The following PRRC2A variants were observed in gnomAD, a reference collection of about 807,000 sequenced individuals.
PRRC2A encodes protein PRRC2A.
PRRC2A carries 59 observed loss-of-function variants against 224.6 expected under a neutral mutation model. The ratio of observed to expected loss-of-function variants is 0.26; its 90% CI spans 0.21 to 0.33. The LOEUF (loss-of-function observed/expected upper bound fraction) is 0.33. Ranked by LOEUF, PRRC2A falls within the 10% of genes least tolerant of loss-of-function variation. The pLI, the probability that PRRC2A is intolerant of heterozygous loss-of-function variation, is 1.00. For synonymous variants in PRRC2A, 1,194 were observed against 1,109.5 expected, an observed-to-expected ratio of 1.08 and a Z score of -1.51; for missense variants, 3,095 against 2,880.7, an observed-to-expected ratio of 1.07 and a Z score of -1.70.
chr6:31,637,145 G>A lies in PRRC2A; in HGVS notation c.6242+9G>A, dbSNP rs556805409. The A allele has an allele frequency of 6.2e-7, 1 of 1,610,690 alleles. No homozygotes were observed. Among genetic ancestry groups the A allele is most frequent in the South Asian group, 1.1e-5 (1 of 90,850 alleles). ...ACTCCCCCAACTGGAAGGTGAAACGGAATAGGGATGTGGACTTTCCAAGTG... is the reference window on the plus strand; with the variant it reads ...ACTCCCCCAACTGGAAGGTGAAACGAAATAGGGATGTGGACTTTCCAAGTG... On this transcript the variant is annotated intron_variant, in intron 29 of 30. Transcript: ENST00000376033.
At chr6:31,634,031 T>C (rs538766588) in intron 18 of PRRC2A, 42 bp downstream of exon 18, 4 of 1,589,420 alleles carry the variant, frequency 2.5e-6, no homozygotes, top group Middle Eastern at 1.7e-4. Context: ...GCACTCTTAC[T>C]CGTGAAAATT....
Position 31,632,075 on chromosome 6 carries a change from G to C in PRRC2A, c.3402G>C (p.Gln1134His). Residue 1134 changes from glutamine to histidine, a missense_variant, in exon 16 of 31, where the codon CAG (glutamine) becomes CAC (histidine). Transcript: ENST00000376033. The part of the protein sequence containing the change: ...APTPKEGTLT[Q>H]VPLAPPPPGA... ...CACCCAAGGAGGGAACACTCACCCA[G>C]GTCCCTCTCGCTCCCCCACCACCAG... 3 of 1,558,362 alleles carry C rather than the reference G, an allele frequency of 1.9e-6. No homozygotes were observed. The highest frequency in any genetic ancestry group is 1.7e-6 in the Non-Finnish European group (2 of 1,150,660).
chr6:31,628,377 T>C, intron 12 of PRRC2A, 138 bp downstream of exon 12: 2 of 1,365,054 alleles, frequency 1.5e-6, no homozygotes, highest in Non-Finnish European at 1.9e-6. Flanking sequence ...GATAGTGTTC[T>C]ATCATTTGTA....
Position 31,633,428 on chromosome 6 carries a change from C to T in PRRC2A, c.4369C>T (p.Pro1457Ser), listed in dbSNP as rs1583223701. The T allele has an allele frequency of 6.2e-7, 1 of 1,613,100 alleles. No homozygotes were observed. Among genetic ancestry groups the T allele is most frequent in the Non-Finnish European group, 8.5e-7 (1 of 1,180,030 alleles). ...GGGGCTTCCCCTGCCTCCCCCACCT[C>T]CCAGCAGTTCTGCTGTCTTCCGCCT... Reference protein sequence around the residue: ...PPGLPLPPPPPSSSAVFRLDQ... With the variant: ...PPGLPLPPPPSSSSAVFRLDQ... The change falls in exon 17 of 31, where the codon CCC (proline) becomes TCC (serine). Residue 1457 changes from proline to serine, a missense_variant. Physicochemically the swap from Pro to Ser is moderately conservative, Grantham distance 74. Transcript: ENST00000376033.
At position 31,636,706 on chromosome 6, in the gene PRRC2A, C is replaced by G. The variant is rs776659963; in HGVS notation, c.5935-27C>G. On this transcript the variant is annotated intron_variant, in intron 27 of 30. Coordinates refer to ENST00000376033, the MANE Select transcript of PRRC2A (RefSeq NM_004638.4). The surrounding 1 kb of genome is among the most constrained non-coding windows in gnomAD (Gnocchi z 4.3). Reference sequence around the variant, plus strand: ...TTCTGACATTCCTCCCTGCCCCCAACATGCACACCCAAATTTCTTGTTACA... The same window carrying G: ...TTCTGACATTCCTCCCTGCCCCCAAGATGCACACCCAAATTTCTTGTTACA... 6.2e-7 allele frequency: 1 copy of G among 1,604,020 alleles called. No homozygotes were observed. The highest frequency in any genetic ancestry group is 8.5e-7 in the Non-Finnish European group (1 of 1,175,700).
Position 31,632,571 on chromosome 6 carries a change from C to G in PRRC2A, c.3898C>G (p.Arg1300Gly), listed in dbSNP as rs749246458. 3.1e-6 allele frequency: 5 copies of G among 1,612,596 alleles called. No homozygotes were observed. Among genetic ancestry groups the G allele is most frequent in the Non-Finnish European group, 4.2e-6 (5 of 1,179,728 alleles). Residue 1300 changes from arginine to glycine, a missense_variant, in exon 16 of 31, where the codon CGC becomes GGC. By Grantham distance (125) the Arg-to-Gly change is moderately radical. This residue lies in a region of PRRC2A where 2,001 missense variants were observed against 1,764.9 expected (regional missense o/e 1.13). Transcript: ENST00000376033. ...LTTVTVAPAP[R>G]RAAAKSPDLS... is the part of the protein sequence containing the mutation. ...AACAGTCACAGTGGCCCCAGCACCT[C>G]GCCGGGCAGCTGCCAAGTCTCCTGA... is the stretch of plus-strand genomic sequence containing the variant.
chr6:31,624,474 G>T lies in PRRC2A; in HGVS notation c.415G>T (p.Val139Leu). 4 of 1,613,968 alleles carry T rather than the reference G, an allele frequency of 2.5e-6. No individual in the cohort carries two copies. Among genetic ancestry groups the T allele is most frequent in the Non-Finnish European group, 3.4e-6 (4 of 1,179,776 alleles). ...PENTPLVPSG[V>L]KSWAQASVTH... is the part of the protein sequence containing the mutation. ...GAACACTCCTTTGGTTCCAAGCGGG[G>T]TAAAGTCCTGGGCACAAGCCAGCGT... Residue 139 changes from valine to leucine, a missense_variant, in exon 5 of 31, where the codon GTA (valine) becomes TTA (leucine). Physicochemically the swap from Val to Leu is conservative, Grantham distance 32. This residue lies in a region of PRRC2A where 287 missense variants were observed against 275.3 expected (regional missense o/e 1.04). Coordinates refer to ENST00000376033, the MANE Select transcript of PRRC2A (RefSeq NM_004638.4).
rs374300121 is a variant in PRRC2A at position 31,635,181 on chromosome 6, G to T, written c.5210G>T (p.Arg1737Leu). The change falls in exon 22 of 31, where the codon CGA becomes CTA. Residue 1737 changes from arginine to leucine, a missense_variant. This residue lies in a region of PRRC2A where 662 missense variants were observed against 609.5 expected (regional missense o/e 1.09). Transcript: ENST00000376033. Reference sequence around the variant, plus strand: ...CCCCCTGGCCCCATTGGCACAGAACGATCACAGCGTACAGACCGAGGCACA... The same window carrying T: ...CCCCCTGGCCCCATTGGCACAGAACTATCACAGCGTACAGACCGAGGCACA... ...PLPPGPIGTE[R>L]SQRTDRGTEP... The T allele has an allele frequency of 6.2e-7, 1 of 1,612,798 alleles. No homozygotes were observed. The highest frequency in any genetic ancestry group is 1.7e-5 in the Admixed American group (1 of 59,998).
intron 1 of PRRC2A, among the ~76,000 whole-genome samples, chr6:31,622,066 C>A (rs966944833): frequency 6.6e-6 from 1 of 152,176 alleles, no homozygotes; most frequent in Non-Finnish European, 1.5e-5. Context: ...TGGGATATTT[C>A]AAATACTTGA....
rs767909082 is a variant in PRRC2A at position 31,633,421 on chromosome 6, C to T, written c.4362C>T (p.Pro1454=). ...GTCCCCCGGGGCTTCCCCTGCCTCC[C>T]CCACCTCCCAGCAGTTCTGCTGTCT... ...EERPPGLPLP[P]PPPSSSAVFR... Residue 1454 remains proline (P), a synonymous_variant, in exon 17 of 31, where the codon CCC becomes CCT. Coordinates refer to ENST00000376033, the MANE Select transcript of PRRC2A (RefSeq NM_004638.4). The T allele has an allele frequency of 6.2e-7, 1 of 1,612,948 alleles. No homozygotes were observed. Among genetic ancestry groups the T allele is most frequent in the African/African-American group, 1.3e-5 (1 of 74,942 alleles).
In PRRC2A at chr6:31,632,260, A is replaced by G. The variant is rs746085139; in HGVS notation, c.3587A>G (p.Lys1196Arg). The change falls in exon 16 of 31, where the codon AAA becomes AGA. Residue 1196 changes from lysine to arginine, a missense_variant. Around this residue, in one of 8 missense-constraint regions of PRRC2A, gnomAD observed 2,001 missense variants for 1,764.9 expected, o/e 1.13. Coordinates refer to ENST00000376033, the MANE Select transcript of PRRC2A (RefSeq NM_004638.4). ...CCAGCCAAGTCTCTGGCTCCCAAGA[A>G]ACCTCCCACAGGCCCTTTGCCACCA... ...SPPAKSLAPK[K>R]PPTGPLPPSK... 1 of 1,612,922 alleles carries G rather than the reference A, an allele frequency of 6.2e-7. No homozygotes were observed. Among genetic ancestry groups the G allele is most frequent in the Non-Finnish European group, 8.5e-7 (1 of 1,179,962 alleles).
In PRRC2A at chr6:31,627,148, C is replaced by G. The variant is rs1179017080; in HGVS notation, c.1240C>G (p.Pro414Ala). 2.5e-6 allele frequency: 4 copies of G among 1,613,602 alleles called. No individual in the cohort carries two copies. Among genetic ancestry groups the G allele is most frequent in the Non-Finnish European group, 3.4e-6 (4 of 1,179,912 alleles). ...TCCTGCCCCAAAGCCTCCCCTACCC[C>G]CACCTCACCGGGGCCCCGCCGGGAA... ...GPPAPKPPLP[P>A]PHRGPAGNWG... Residue 414 changes from proline to alanine, a missense_variant, in exon 11 of 31, where the codon CCA becomes GCA. This residue lies in a region of PRRC2A where 2,001 missense variants were observed against 1,764.9 expected (regional missense o/e 1.13). Transcript: ENST00000376033. The surrounding 1 kb of genome is among the most constrained non-coding windows in gnomAD (Gnocchi z 5.6).
chr6:31,627,735 C>T lies in PRRC2A; in HGVS notation c.1291-30C>T, dbSNP rs760030824. ...ATAGAAAGCATAGTAACTGATTCCC[C>T]TGGCCCTGCTGGGTCTTGCCAATTG... On this transcript the variant is annotated intron_variant, in intron 11 of 30. Transcript: ENST00000376033. The surrounding 1 kb of genome is among the most constrained non-coding windows in gnomAD (Gnocchi z 5.6). 1.2e-6 allele frequency: 2 copies of T among 1,606,190 alleles called. No homozygotes were observed. The highest frequency in any genetic ancestry group is 2.2e-5 in the East Asian group (1 of 44,722).
At chr6:31,629,949 A>G (rs1041111672) in intron 14 of PRRC2A, 104 bp downstream of exon 14, 1 of 1,528,114 alleles carries the variant, frequency 6.5e-7, no homozygotes, top group Non-Finnish European at 8.8e-7. Context: ...TTTGCCCATC[A>G]TAGTGATGAG....
rs1172579651 is a variant in PRRC2A at position 31,625,313 on chromosome 6, A to G, written c.606A>G (p.Gln202=). ...GGCCCGGACCAAGCCTCCGCCCCCA[A>G]AGTGAGTGGCTGCCTTTTGGCCAAG... The part of the protein sequence containing the change: ...SSGPGPSLRP[Q]NSTTWRDGGG... The change falls in exon 6 of 31, where the codon CAA becomes CAG. Residue 202 remains glutamine, a splice_region_variant and synonymous_variant. Transcript: ENST00000376033. This position sits in a 1 kb window ranked among gnomAD's most constrained non-coding sequence, Gnocchi z 4.1. The G allele has an allele frequency of 5.0e-6, 8 of 1,613,898 alleles. No individual in the cohort carries two copies. The highest frequency in any genetic ancestry group is 5.9e-6 in the Non-Finnish European group (7 of 1,180,034).
chr6:31,633,250 A>G (rs965295368), intron 16 of PRRC2A, 129 bp from the exon 17 acceptor site: 3 of 1,351,426 alleles, frequency 2.2e-6, no homozygotes, highest in Non-Finnish European at 2.0e-6. Flanking sequence ...AGGAATCCTT[A>G]GAAGGACTCA....
Position 31,628,126 on chromosome 6 carries a change from A to G in PRRC2A, c.1652A>G (p.Gln551Arg). Residue 551 changes from glutamine to arginine, a missense_variant, in exon 12 of 31, where the codon CAG (glutamine) becomes CGG (arginine). By Grantham distance (43) the Gln-to-Arg change is conservative. Coordinates refer to ENST00000376033, the MANE Select transcript of PRRC2A (RefSeq NM_004638.4). The part of the protein sequence containing the change: ...TPETEPEEPA[Q>R]APPAQSTPTP... Reference sequence around the variant, plus strand: ...GAGACAGAACCTGAAGAGCCAGCACAGGCCCCTCCTGCCCAATCTACTCCT... The same window carrying G: ...GAGACAGAACCTGAAGAGCCAGCACGGGCCCCTCCTGCCCAATCTACTCCT... 6.2e-7 allele frequency: 1 copy of G among 1,613,098 alleles called. No individual in the cohort carries two copies. The highest frequency in any genetic ancestry group is 8.5e-7 in the Non-Finnish European group (1 of 1,179,994).
chr6:31,635,924 C>T, intron 24 of PRRC2A, 43 bp from the exon 25 acceptor site: 1 of 1,525,432 alleles, frequency 6.6e-7, no homozygotes, highest in Non-Finnish European at 8.9e-7. Context: ...TTTTTCTTGA[C>T]CACAGATACT....
chr6:31,626,309 T>C, intron 9 of PRRC2A, 147 bp downstream of exon 9: 3 of 1,044,146 alleles, frequency 2.9e-6, no homozygotes, highest in Non-Finnish European at 4.1e-6. Context: ...TCCCAGTGCT[T>C]TGGGAGTGTT....
Sources: gnomAD v4.1 joint callset for allele counts (sites outside exome capture counted in the v4.1 genomes callset) on GRCh38, gnomAD v4.1.1 for gene constraint, gnomAD v4.1.1 regional missense constraint, Gnocchi (gnomAD v3.1) non-coding constraint, MANE v1.5 for transcripts, NCBI Gene and HGNC (gene_info 2026-07-23, HGNC 2026-07-21) for gene names.